Variants in KHDRBS2 observed in about 807,000 individuals in gnomAD.
The protein encoded by KHDRBS2 is KH domain-containing, RNA-binding, signal transduction-associated protein 2.
Under a neutral mutation model 44.3 loss-of-function variants are expected in KHDRBS2, and 26 were observed. That is an observed-to-expected ratio of 0.59 (90% CI 0.43 to 0.81). The LOEUF (loss-of-function observed/expected upper bound fraction) is 0.81, where lower values mean the gene tolerates loss of function less well. KHDRBS2 is among the 40% of genes least tolerant of loss of function. The probability of loss-of-function intolerance (pLI) is 0.00; values close to 1 mark genes in which losing one functional copy is unlikely to be tolerated. For synonymous variants in KHDRBS2, 194 were observed against 151.1 expected, an observed-to-expected ratio of 1.28 and a Z score of -2.08; for missense variants, 476 against 433.1, an observed-to-expected ratio of 1.10 and a Z score of -0.88.
the KHDRBS2 span, among the ~76,000 whole-genome samples, chr6:61,637,999 T>C: frequency 1.9e-3 from 286 of 152,232 alleles, 1 homozygote; most frequent in Non-Finnish European, 2.9e-3. Context: ...TTCACTCTGA[T>C]GGTAGTTTCT....
chr6:62,074,234 G>C (rs1037250009), intron 2 of KHDRBS2, among the ~76,000 whole-genome samples: 1 of 151,800 alleles, frequency 6.6e-6, no homozygotes, highest in Non-Finnish European at 1.5e-5. Flanking sequence ...GCCATGCCTG[G>C]ACTTCTGAAC....
chr6:62,153,181 A>T (rs553985202), intron 2 of KHDRBS2, among the ~76,000 whole-genome samples: 1 of 152,330 alleles, frequency 6.6e-6, no homozygotes, highest in African/African-American at 2.4e-5. Context: ...ATAAACTATG[A>T]ATGAATTGAA....
chr6:62,194,578 G>A (rs993004925), intron 1 of KHDRBS2, among the ~76,000 whole-genome samples: 2 of 125,018 alleles, frequency 1.6e-5, no homozygotes, highest in African/African-American at 6.2e-5. Flanking sequence ...TCAGCTCACT[G>A]CAACCTCCGC....
intron 3 of KHDRBS2, among the ~76,000 whole-genome samples, chr6:62,005,317 T>C (rs1472668646): frequency 2.0e-5 from 3 of 152,062 alleles, no homozygotes; most frequent in African/African-American, 7.2e-5. Flanking sequence ...ATGTTATTAT[T>C]AACCTTGTTA....
chr6:62,273,201 A>G (rs1203968425), intron 1 of KHDRBS2, among the ~76,000 whole-genome samples: 2 of 152,144 alleles, frequency 1.3e-5, no homozygotes, highest in Non-Finnish European at 2.9e-5. Flanking sequence ...GGTCAAAATG[A>G]TGAAATATTA....
At chr6:62,020,214 A>AATTTTTCCAGAGGTATT (rs1157593850) in intron 3 of KHDRBS2, among the ~76,000 whole-genome samples, 1 of 151,924 alleles carries the variant, frequency 6.6e-6, no homozygotes, top group African/African-American at 2.4e-5. Context: ...AATATTTGGG[A>AATTTTTCCAGAGGTATT]ATTTTTCCAG....
chr6:61,567,355 T>G, the KHDRBS2 span, among the ~76,000 whole-genome samples: 1 of 152,220 alleles, frequency 6.6e-6, no homozygotes, highest in Admixed American at 6.5e-5. Context: ...AAGGCTGTCT[T>G]GGTCACAAAG....
intron 6 of KHDRBS2, among the ~76,000 whole-genome samples, chr6:61,771,448 C>T (rs1024163752): frequency 4.1e-4 from 63 of 152,106 alleles, no homozygotes; most frequent in Non-Finnish European, 7.2e-4. Flanking sequence ...ACCCATCTCA[C>T]GTGCAGAGAC....
At chr6:61,951,313 T>C (rs9363571) in intron 4 of KHDRBS2, among the ~76,000 whole-genome samples, 28,453 of 151,922 alleles carry the variant, frequency 0.19, 3,077 homozygotes, top group East Asian at 0.32. Context: ...GAAGAAATTC[T>C]TCATGTGACT....
At chr6:61,602,379 G>A in the KHDRBS2 span, among the ~76,000 whole-genome samples, 7 of 152,120 alleles carry the variant, frequency 4.6e-5, no homozygotes, top group Non-Finnish European at 7.4e-5. Context: ...TGCTACGAGT[G>A]CCAGAAATCT....
chr6:62,107,120 G>C (rs1384199376), intron 2 of KHDRBS2, among the ~76,000 whole-genome samples: 1 of 151,604 alleles, frequency 6.6e-6, no homozygotes, highest in South Asian at 2.1e-4. Flanking sequence ...AGGAAATAAA[G>C]GGTATTCAAT....
the KHDRBS2 span, among the ~76,000 whole-genome samples, chr6:61,586,803 G>A: frequency 6.6e-6 from 1 of 152,054 alleles, no homozygotes; most frequent in African/African-American, 2.4e-5. Context: ...CCTGAAGATA[G>A]CATTCAAGAC....
chr6:62,033,912 C>T (rs574127839), intron 3 of KHDRBS2, among the ~76,000 whole-genome samples: 84 of 150,926 alleles, frequency 5.6e-4, no homozygotes, highest in African/African-American at 2.0e-3. Flanking sequence ...GAAATATATA[C>T]ATTTATATAT....
At chr6:61,615,071 A>G in the KHDRBS2 span, among the ~76,000 whole-genome samples, 1 of 151,656 alleles carries the variant, frequency 6.6e-6, no homozygotes, top group South Asian at 2.1e-4. Context: ...CCTTTCTACT[A>G]AAAATACAAA....
chr6:61,730,053 TA>T (rs1207386281), intron 7 of KHDRBS2, among the ~76,000 whole-genome samples: 1 of 152,148 alleles, frequency 6.6e-6, no homozygotes, highest in Non-Finnish European at 1.5e-5. Flanking sequence ...GGCACGATAT[TA>T]AAAAATTATT....
At chr6:61,941,606 C>T (rs1812142334) in intron 4 of KHDRBS2, among the ~76,000 whole-genome samples, 1 of 152,122 alleles carries the variant, frequency 6.6e-6, no homozygotes, top group African/African-American at 2.4e-5. Flanking sequence ...CCACAGCCTC[C>T]ACCAATAACT....
intron 2 of KHDRBS2, among the ~76,000 whole-genome samples, chr6:62,100,389 T>C (rs1801585699): frequency 6.6e-6 from 1 of 152,206 alleles, no homozygotes; most frequent in African/African-American, 2.4e-5. Context: ...ATTACATAAA[T>C]TTAGTTGATA....
intron 2 of KHDRBS2, among the ~76,000 whole-genome samples, chr6:62,077,063 A>G (rs1000046548): frequency 6.6e-6 from 1 of 152,028 alleles, no homozygotes; most frequent in Non-Finnish European, 1.5e-5. Flanking sequence ...ATATAAAAAA[A>G]TGAATAATAA....
chr6:61,753,350 C>A (rs2127569607), intron 6 of KHDRBS2, among the ~76,000 whole-genome samples: 1 of 152,198 alleles, frequency 6.6e-6, no homozygotes, highest in Admixed American at 6.5e-5. Context: ...AAAGGAGGAC[C>A]CTAATTAGCT....
Sources: gnomAD v4.1 joint callset for allele counts (sites outside exome capture counted in the v4.1 genomes callset) on GRCh38, gnomAD v4.1.1 for gene constraint, MANE v1.5 for transcripts, NCBI Gene and HGNC (gene_info 2026-07-23, HGNC 2026-07-21) for gene names.